Variants in CCDC14 observed in about 807,000 individuals in gnomAD.
CCDC14 encodes the protein coiled-coil domain-containing protein 14.
CCDC14 carries 71 observed loss-of-function variants against 81.4 expected under a neutral mutation model. The ratio of observed to expected loss-of-function variants is 0.87; its 90% CI spans 0.72 to 1.06. CCDC14 has a LOEUF of 1.06. CCDC14 is among the 50% of genes least tolerant of loss of function. The pLI is 0.00. For synonymous variants in CCDC14, 332 were observed against 364.8 expected (o/e 0.91, Z 1.03); for missense variants, 1,046 against 1,047.3 (o/e 1.00, Z 0.02).
In CCDC14 at chr3:123,914,902, G is replaced by GTCA; in HGVS notation, c.2594_2595insTGA (p.Ser865_Ile866insAsp). 1.2e-6 allele frequency: 2 copies of GTCA among 1,614,022 alleles called. No homozygotes were observed. The highest frequency in any genetic ancestry group is 1.7e-6 in the Non-Finnish European group (2 of 1,179,882). ...AAGTGAACGTTGAAAACGAAGAGAT[G>GTCA]CTCCAGTCAGACATCAAGTCAGAAG... On this transcript the variant is annotated inframe_insertion, in exon 13 of 13. Coordinates refer to ENST00000409697, the MANE Select transcript of CCDC14 (RefSeq NM_001366335.1).
At chr3:123,937,631 A>G (rs984533035) in intron 9 of CCDC14, among the ~76,000 whole-genome samples, 12 of 151,978 alleles carry the variant, frequency 7.9e-5, no homozygotes, top group African/African-American at 2.9e-4. Flanking sequence ...TTCATTTTTA[A>G]TAAGTGTTTT....
In CCDC14 at chr3:123,961,213, A is replaced by G. The variant is rs771569469; in HGVS notation, c.-40T>C. On this transcript the variant is annotated 5_prime_UTR_variant, in exon 1 of 13. Transcript: ENST00000409697. ...GAGAAGCCCAGACCGAGGGAAGTGA[A>G]GCCTCACGGTAAAAAGAATTAACCG... 17 of 1,551,452 alleles carry G rather than the reference A, an allele frequency of 1.1e-5. 1 individual carries two copies. The South Asian group carries it at 1.3e-4, about 12-fold the overall frequency.
At chr3:123,955,414 T>C (rs998521991) in intron 5 of CCDC14, 1 of 152,214 alleles carries the variant, frequency 6.6e-6, no homozygotes, top group Non-Finnish European at 1.5e-5. Context: ...ATGTACCATG[T>C]ATCCTAACTG....
chr3:123,947,609 G>T (rs2036726718), intron 7 of CCDC14, among the ~76,000 whole-genome samples: 1 of 152,006 alleles, frequency 6.6e-6, no homozygotes, highest in South Asian at 2.1e-4. Flanking sequence ...ATTTTCTTAT[G>T]ATGTAATTTC....
intron 5 of CCDC14, among the ~76,000 whole-genome samples, chr3:123,950,577 G>T (rs1258537498): frequency 6.6e-6 from 1 of 152,132 alleles, no homozygotes; most frequent in East Asian, 1.9e-4. Flanking sequence ...CATCAAACAG[G>T]TAAAAGTCAC....
At chr3:123,959,148 G>A (rs372634916) in intron 1 of CCDC14, among the ~76,000 whole-genome samples, 1 of 152,162 alleles carries the variant, frequency 6.6e-6, no homozygotes, top group African/African-American at 2.4e-5. Context: ...AATTCTTTTG[G>A]ATAAATTCCC....
chr3:123,916,462 ATGTGTTTGTGTG>A (rs993564693), intron 12 of CCDC14, among the ~76,000 whole-genome samples: 9 of 81,958 alleles, frequency 1.1e-4, no homozygotes, highest in African/African-American at 5.0e-4. Context: ...TTCATTATAT[ATGTGTTTGTGTG>A]TGTGTGTGTG....
chr3:123,961,184 C>T lies in CCDC14; in HGVS notation c.-11G>A. On this transcript the variant is annotated 5_prime_UTR_variant, in exon 1 of 13. Coordinates refer to ENST00000409697, the MANE Select transcript of CCDC14 (RefSeq NM_001366335.1). ...TCCAGACCTGACCATCTCTCGCCGC[C>T]TCAGAGAAGCCCAGACCGAGGGAAG... 6.4e-7 allele frequency: 1 copy of T among 1,551,656 alleles called. No homozygotes were observed. Among genetic ancestry groups the T allele is most frequent in the South Asian group, 1.2e-5 (1 of 84,052 alleles).
rs1353273082 is a variant in CCDC14 at position 123,914,674 on chromosome 3, T to C, written c.*105A>G. ...TTTATTACTTGTACAATATATTACT[T>C]CACACATAATAACATAAAACATCAT... On this transcript the variant is annotated 3_prime_UTR_variant, in exon 13 of 13. Transcript: ENST00000409697. 1 of 1,433,498 alleles carries C rather than the reference T, an allele frequency of 7.0e-7. No individual in the cohort carries two copies. Among genetic ancestry groups the C allele is most frequent in the Non-Finnish European group, 9.1e-7 (1 of 1,093,602 alleles). 88.8% of individuals were successfully genotyped at this position (1,433,498 alleles called of 1,614,324 possible).
downstream of CCDC14, among the ~76,000 whole-genome samples, chr3:123,912,030 T>C (rs888792300): frequency 1.1e-4 from 16 of 152,172 alleles, no homozygotes; most frequent in Admixed American, 8.5e-4. Flanking sequence ...CTACACTTGG[T>C]CCAATATCAT....
In CCDC14 at chr3:123,944,924, C is replaced by T; in HGVS notation, c.1268G>A (p.Ser423Asn). The T allele has an allele frequency of 6.2e-7, 1 of 1,610,758 alleles. No individual in the cohort carries two copies. Among genetic ancestry groups the T allele is most frequent in the Non-Finnish European group, 8.5e-7 (1 of 1,177,438 alleles). The change falls in exon 9 of 13, where the codon AGT becomes AAT. Residue 423 changes from serine (S) to asparagine (N), a missense_variant. By Grantham distance (46) the Ser-to-Asn change is conservative. Transcript: ENST00000409697. ...CTCAACTTGAATATCTGTGTTTCCA[C>T]TTACTGTTGGAAGTACAGATATACA... ...EACISVLPTV[S>N]GNTDIQVEIA...
chr3:123,955,970 T>G lies in CCDC14; in HGVS notation c.230-5A>C. On this transcript the variant is annotated splice_region_variant and splice_polypyrimidine_tract_variant and intron_variant, in intron 4 of 12. Transcript: ENST00000409697. ...CTAAATATGCTGTTTCTGAACCTAT[T>G]AATAAAACAAAAATTTGTTACATCA... 1 of 1,527,522 alleles carries G rather than the reference T, an allele frequency of 6.5e-7. No homozygotes were observed. The highest frequency in any genetic ancestry group is 8.8e-7 in the Non-Finnish European group (1 of 1,137,420). The allele number at this position is 1,527,522 out of a possible 1,614,324, so 94.6% of individuals were successfully genotyped here. A position where few individuals can be genotyped will look rare whatever the true frequency, so the allele number is the denominator to read the frequency against.
rs745951398 is a variant in CCDC14 at position 123,956,032 on chromosome 3, TA to T, written c.229+13del. The T allele has an allele frequency of 0.014, 15,082 of 1,060,542 alleles. No homozygotes were observed. The highest frequency in any genetic ancestry group is 0.021 in the Admixed American group (773 of 36,734). 65.7% of individuals were successfully genotyped at this position (1,060,542 alleles called of 1,614,324 possible). On this transcript the variant is annotated intron_variant, in intron 4 of 12. Transcript: ENST00000409697. ...TGAGATAAGGTGATCAGCAAAGAATTAAAAAAAAAAAACCTGAATCTTCATT... is the reference window on the plus strand; with the variant it reads ...TGAGATAAGGTGATCAGCAAAGAATTAAAAAAAAAAACCTGAATCTTCATT...
chr3:123,924,954 T>TAC (rs67990689), intron 12 of CCDC14, among the ~76,000 whole-genome samples: 29,117 of 147,272 alleles, frequency 0.2, 4,728 homozygotes, highest in East Asian at 0.75. Flanking sequence ...TATACATATA[T>TAC]ACACACACAC....
chr3:123,922,919 A>G (rs113334611), intron 12 of CCDC14, among the ~76,000 whole-genome samples: 159 of 152,282 alleles, frequency 1.0e-3, no homozygotes, highest in African/African-American at 3.6e-3. Flanking sequence ...GAACACTTGA[A>G]AACACTGTTC....
intron 12 of CCDC14, among the ~76,000 whole-genome samples, chr3:123,924,023 T>C (rs144068451): frequency 6.9e-6 from 1 of 145,728 alleles, no homozygotes; most frequent in African/African-American, 2.5e-5. Context: ...AGAACAAAGC[T>C]GGGGGCACCA....
intron 12 of CCDC14, among the ~76,000 whole-genome samples, chr3:123,917,210 A>G (rs1021713442): frequency 1.4e-4 from 21 of 151,186 alleles, no homozygotes; most frequent in Admixed American, 1.3e-3. Flanking sequence ...AAAATCAATG[A>G]GGGCTGGGCA....
chr3:123,943,214 T>C (rs1445476757), intron 9 of CCDC14, among the ~76,000 whole-genome samples: 1 of 152,050 alleles, frequency 6.6e-6, no homozygotes, highest in Non-Finnish European at 1.5e-5. Flanking sequence ...TTGTTATTTG[T>C]TAAGCAGTCA....
Position 123,915,490 on chromosome 3 carries a change from G to A in CCDC14, c.2007C>T (p.Thr669=), listed in dbSNP as rs750009322. 6.8e-6 allele frequency: 11 copies of A among 1,613,766 alleles called. No homozygotes were observed. In the East Asian group the frequency reaches 2.2e-4, roughly 33 times the overall value. Residue 669 remains threonine (T), a synonymous_variant, in exon 13 of 13, where the codon ACC becomes ACT. Coordinates refer to ENST00000409697, the MANE Select transcript of CCDC14 (RefSeq NM_001366335.1). ...TTTCATAGGTTTTGTCTGGCTCTATGGTTTCCTCATTTTTAATTGTAGAAA... is the reference window on the plus strand; with the variant it reads ...TTTCATAGGTTTTGTCTGGCTCTATAGTTTCCTCATTTTTAATTGTAGAAA... The part of the protein sequence containing the change: ...EPLSTIKNEE[T]IEPDKTYENV...
Sources: allele counts gnomAD v4.1 joint callset (sites outside exome capture counted in the v4.1 genomes callset), GRCh38; gene constraint gnomAD v4.1.1; transcripts MANE v1.5; gene names NCBI Gene and HGNC (gene_info 2026-07-23, HGNC 2026-07-21).